The following PDE1A variants were observed in gnomAD, a reference collection of about 807,000 sequenced individuals.
The protein encoded by PDE1A is dual specificity calcium/calmodulin-dependent 3',5'-cyclic nucleotide phosphodiesterase 1A.
PDE1A carries 35 observed loss-of-function variants against 61.7 expected under a neutral mutation model. The observed-to-expected ratio is 0.57, with a 90% CI of 0.43 to 0.75. The LOEUF is 0.75. PDE1A is among the 30% of genes least tolerant of loss of function. The pLI, the probability that PDE1A is intolerant of heterozygous loss-of-function variation, is 0.00. For missense variants in PDE1A, 597 were observed against 630.6 expected, an observed-to-expected ratio of 0.95 and a Z score of 0.57; for synonymous variants, 232 against 213.2, an observed-to-expected ratio of 1.09 and a Z score of -0.77.
At chr2:182,173,927 G>A (rs193090108) in intron 13 of PDE1A, among the ~76,000 whole-genome samples, 4 of 152,070 alleles carry the variant, frequency 2.6e-5, no homozygotes, top group Admixed American at 2.6e-4. Context: ...AAGTAACATT[G>A]ACATGTTTTC....
At chr2:182,699,604 T>G in the PDE1A span, among the ~76,000 whole-genome samples, 4 of 152,184 alleles carry the variant, frequency 2.6e-5, no homozygotes, top group Non-Finnish European at 5.9e-5. Context: ...AGTTAGAGTA[T>G]GTAGAATTTT....
exon 14 of PDE1A, chr2:182,168,144 C>T: frequency 6.8e-7 from 1 of 1,477,040 alleles, no homozygotes; most frequent in South Asian, 1.5e-5. Context: ...GATTTCCTGT[C>T]TCACACAGGA....
intron 2 of PDE1A, among the ~76,000 whole-genome samples, chr2:182,435,138 T>C (rs962248681): frequency 1.3e-5 from 2 of 152,020 alleles, no homozygotes; most frequent in African/African-American, 4.8e-5. Context: ...TGTAACATTA[T>C]ATGAAAACAT....
rs368399730 is a variant in PDE1A, at chr2:182,373,207, AG to A, written c.53+53370del. Among the ~76,000 whole-genome samples the A allele has an allele frequency of 4.6e-3, 696 of 152,354 alleles. 5 individuals carry two copies. Among genetic ancestry groups the A allele is most frequent in the South Asian group, 0.029 (140 of 4,824 alleles). On this transcript the variant is annotated intron_variant, in intron 1 of 13. Transcript: ENST00000351439. ...TCAAACACTGCATTATAATAATGGA[AG>A]GGGAACCAATTACTATCCAATCTGC...
downstream of PDE1A, among the ~76,000 whole-genome samples, chr2:182,167,186 GA>G (rs1691694684): frequency 6.6e-6 from 1 of 152,064 alleles, no homozygotes. Context: ...ACGGCTATAA[GA>G]AAAACCACAT....
chr2:182,349,621 G>C (rs1313764915), intron 1 of PDE1A, among the ~76,000 whole-genome samples: 3 of 152,070 alleles, frequency 2.0e-5, no homozygotes, highest in Admixed American at 6.6e-5. Context: ...TTCTAGACAT[G>C]GTACTTGATC....
chr2:182,294,480 G>A (rs1295874709), intron 1 of PDE1A, among the ~76,000 whole-genome samples: 3 of 152,130 alleles, frequency 2.0e-5, no homozygotes, highest in Non-Finnish European at 2.9e-5. Context: ...AAGATCTCAA[G>A]TAAGCATGAA....
chr2:182,366,908 C>T (rs745998856), intron 1 of PDE1A, among the ~76,000 whole-genome samples: 1 of 151,992 alleles, frequency 6.6e-6, no homozygotes, highest in Non-Finnish European at 1.5e-5. Context: ...AAAGCATCAT[C>T]GTCACAAGCT....
chr2:182,589,187 G>A, the PDE1A span, among the ~76,000 whole-genome samples: 1 of 143,508 alleles, frequency 7.0e-6, no homozygotes, highest in African/African-American at 2.6e-5. Flanking sequence ...AGAGGAAGAA[G>A]GGAAGAAGGA....
At chr2:182,563,968 T>G in the PDE1A span, among the ~76,000 whole-genome samples, 1 of 152,184 alleles carries the variant, frequency 6.6e-6, no homozygotes, top group Non-Finnish European at 1.5e-5. Context: ...GAGATGGGTT[T>G]CCTGAATACA....
the PDE1A span, among the ~76,000 whole-genome samples, chr2:182,699,305 A>G: frequency 6.6e-6 from 1 of 152,234 alleles, no homozygotes; most frequent in Admixed American, 6.5e-5. Flanking sequence ...AAATGGATAC[A>G]ACCAGCTGAT....
At chr2:182,623,007 C>T in the PDE1A span, among the ~76,000 whole-genome samples, 2 of 152,138 alleles carry the variant, frequency 1.3e-5, no homozygotes, top group African/African-American at 4.8e-5. Flanking sequence ...ATAAATGGCA[C>T]TCAACAACAT....
intron 2 of PDE1A, among the ~76,000 whole-genome samples, chr2:182,442,317 C>A (rs1684846923): frequency 6.6e-6 from 1 of 151,890 alleles, no homozygotes; most frequent in African/African-American, 2.4e-5. Context: ...TCAAAAAACA[C>A]AAGGAAAGGT....
intron 2 of PDE1A, among the ~76,000 whole-genome samples, chr2:182,459,535 G>T (rs1335591791): frequency 6.6e-6 from 1 of 152,104 alleles, no homozygotes; most frequent in Non-Finnish European, 1.5e-5. Context: ...AAAGGATACT[G>T]GGTGGTTGCA....
At chr2:182,614,287 C>T in the PDE1A span, among the ~76,000 whole-genome samples, 215 of 152,182 alleles carry the variant, frequency 1.4e-3, 1 homozygote, top group African/African-American at 5.1e-3. Flanking sequence ...GTTTGGGAAC[C>T]TAGGAGTATC....
chr2:182,211,784 C>T (rs1333368087), intron 7 of PDE1A, among the ~76,000 whole-genome samples: 1 of 151,988 alleles, frequency 6.6e-6, no homozygotes, highest in Non-Finnish European at 1.5e-5. Context: ...TTTGTGTTTC[C>T]AATTTCAAAT....
intron 1 of PDE1A, among the ~76,000 whole-genome samples, chr2:182,289,414 A>C (rs939136652): frequency 1.2e-4 from 18 of 152,116 alleles, no homozygotes; most frequent in Admixed American, 4.6e-4. Context: ...GCCCAGCTTC[A>C]CATAAAAGAC....
the PDE1A span, among the ~76,000 whole-genome samples, chr2:182,605,904 C>T: frequency 2.0e-5 from 3 of 152,142 alleles, no homozygotes; most frequent in Non-Finnish European, 2.9e-5. Flanking sequence ...TGCACATACA[C>T]ACACCAAAAC....
At chr2:182,368,856 C>T (rs948336570) in intron 1 of PDE1A, among the ~76,000 whole-genome samples, 5 of 152,146 alleles carry the variant, frequency 3.3e-5, no homozygotes, top group African/African-American at 9.7e-5. Flanking sequence ...AAATCCCTTC[C>T]TTGCCCATAG....
Sources: allele counts gnomAD v4.1 joint callset (sites outside exome capture counted in the v4.1 genomes callset), GRCh38; gene constraint gnomAD v4.1.1; transcripts MANE v1.5; gene names NCBI Gene and HGNC (gene_info 2026-07-23, HGNC 2026-07-21).